CCDC91: variants seen among roughly 807,000 people sequenced by gnomAD.
CCDC91 encodes the protein coiled-coil domain-containing protein 91.
A neutral mutation model predicts 63.2 loss-of-function variants in CCDC91; 48 were observed. The ratio of observed to expected loss-of-function variants is 0.76; its 90% CI spans 0.60 to 0.97. The LOEUF is 0.97. Ranked by LOEUF, CCDC91 falls within the 50% of genes least tolerant of loss-of-function variation. The pLI, the probability that CCDC91 is intolerant of heterozygous loss-of-function variation, is 0.00. For missense variants in CCDC91, 500 were observed against 494.6 expected, an observed-to-expected ratio of 1.01 and a Z score of -0.10; for synonymous variants, 167 against 165.8, an observed-to-expected ratio of 1.01 and a Z score of -0.06.
At chr12:28,487,002 T>C (rs1951762114) in intron 12 of CCDC91, among the ~76,000 whole-genome samples, 1 of 152,004 alleles carries the variant, frequency 6.6e-6, no homozygotes, top group Admixed American at 6.6e-5. Flanking sequence ...CCACATTATT[T>C]ACAGAAAGTA....
At chr12:28,374,286 G>A (rs1944808727) in intron 7 of CCDC91, among the ~76,000 whole-genome samples, 1 of 152,062 alleles carries the variant, frequency 6.6e-6, no homozygotes, top group South Asian at 2.1e-4. Context: ...TATTCTCAGT[G>A]CATTGACAAA....
Position 28,305,743 on chromosome 12 carries a change from T to A in CCDC91, c.204T>A (p.Ile68=). 1 of 1,613,092 alleles carries A rather than the reference T, an allele frequency of 6.2e-7. No homozygotes were observed. The change falls in exon 4 of 13, where the codon ATT becomes ATA. Residue 68 remains isoleucine, a synonymous_variant. Transcript: ENST00000536442. ...SIGCLSSDAI[I]SSPENTHAAN... is the part of the protein sequence containing the mutation. ...GCTGCCTCTCTTCTGATGCCATTAT[T>A]TCATCACCAGAGAATACACATGCAG...
chr12:28,275,402 C>T (rs1420989844), intron 3 of CCDC91, among the ~76,000 whole-genome samples: 1 of 151,906 alleles, frequency 6.6e-6, no homozygotes, highest in Non-Finnish European at 1.5e-5. Context: ...ACACATACAC[C>T]CTCCCAAGAC....
At chr12:28,241,747 A>G (rs1027942174) in intron 1 of CCDC91, among the ~76,000 whole-genome samples, 3 of 152,130 alleles carry the variant, frequency 2.0e-5, no homozygotes, top group African/African-American at 4.8e-5. Flanking sequence ...CTGTAATCCC[A>G]GCACTTGGGA....
intron 7 of CCDC91, among the ~76,000 whole-genome samples, chr12:28,384,622 C>T (rs1357992593): frequency 6.6e-6 from 1 of 151,942 alleles, no homozygotes; most frequent in Non-Finnish European, 1.5e-5. Flanking sequence ...AATTGAGTGA[C>T]TGATAAAAAT....
At chr12:28,233,976 C>T (rs1944769392) in intron 1 of CCDC91, among the ~76,000 whole-genome samples, 1 of 152,046 alleles carries the variant, frequency 6.6e-6, no homozygotes, top group Admixed American at 6.6e-5. Context: ...AGTTCAGTGG[C>T]ATTAAGTAAA....
chr12:28,192,049 T>C lies in CCDC91; in HGVS notation c.-15+1408T>C, dbSNP rs532135180. On this transcript the variant is annotated intron_variant, in intron 1 of 12. Coordinates refer to ENST00000536442, the MANE Select transcript of CCDC91 (RefSeq NM_018318.5). Reference sequence around the variant, plus strand: ...TTAACTTTTATTAAATGGAAAAATGTAGCTTCTTATTGGAGTGATCCACTC... The same window carrying C: ...TTAACTTTTATTAAATGGAAAAATGCAGCTTCTTATTGGAGTGATCCACTC... Among the ~76,000 whole-genome samples, 112 of 152,362 alleles carry C rather than the reference T, an allele frequency of 7.4e-4. 1 individual carries two copies. Among genetic ancestry groups the C allele is most frequent in the Middle Eastern group, 6.8e-3 (2 of 294 alleles).
chr12:28,453,464 C>T (rs1020897704), intron 11 of CCDC91, among the ~76,000 whole-genome samples: 15 of 151,846 alleles, frequency 9.9e-5, no homozygotes, highest in African/African-American at 3.6e-4. Flanking sequence ...TTTTATGACT[C>T]ATTAATCTTA....
intron 12 of CCDC91, among the ~76,000 whole-genome samples, chr12:28,533,097 A>G (rs926718170): frequency 2.0e-5 from 3 of 152,154 alleles, no homozygotes; most frequent in African/African-American, 7.2e-5. Flanking sequence ...TTGATTAGTT[A>G]CGGTAGCCCC....
intron 1 of CCDC91, among the ~76,000 whole-genome samples, chr12:28,234,400 T>A (rs1944795505): frequency 6.6e-6 from 1 of 152,172 alleles, no homozygotes. Context: ...TTGACAGAAT[T>A]TTTTTAAAAA....
chr12:28,426,105 C>G (rs1225065041), intron 8 of CCDC91, among the ~76,000 whole-genome samples: 1 of 152,122 alleles, frequency 6.6e-6, no homozygotes, highest in Non-Finnish European at 1.5e-5. Context: ...TATCACTAGT[C>G]TCTTCTCTCA....
intron 3 of CCDC91, among the ~76,000 whole-genome samples, chr12:28,290,949 C>A (rs1949210512): frequency 6.6e-6 from 1 of 152,094 alleles, no homozygotes. Context: ...ACTCTTATGG[C>A]AGAACATTCT....
chr12:28,297,037 A>G (rs1949601900), intron 3 of CCDC91, among the ~76,000 whole-genome samples: 2 of 151,942 alleles, frequency 1.3e-5, no homozygotes, highest in Admixed American at 1.3e-4. Flanking sequence ...GATAAAAACA[A>G]GGACCTGCAT....
chr12:28,212,464 A>C (rs889342826), intron 1 of CCDC91, among the ~76,000 whole-genome samples: 6 of 152,188 alleles, frequency 3.9e-5, no homozygotes, highest in Non-Finnish European at 4.4e-5. Flanking sequence ...CAGTGTATGA[A>C]TCATTGAAAT....
At chr12:28,223,936 T>A (rs1201624162) in intron 1 of CCDC91, among the ~76,000 whole-genome samples, 2 of 152,154 alleles carry the variant, frequency 1.3e-5, no homozygotes, top group Admixed American at 1.3e-4. Flanking sequence ...CAGTGTTTCC[T>A]TGGTAGTTCT....
chr12:28,368,614 A>G (rs552119318), intron 7 of CCDC91, among the ~76,000 whole-genome samples: 2 of 152,228 alleles, frequency 1.3e-5, no homozygotes, highest in South Asian at 2.1e-4. Context: ...TTTTTACTTC[A>G]TGCATTTTTT....
intron 1 of CCDC91, chr12:28,226,336 C>T (rs767258451): frequency 1.3e-5 from 2 of 152,136 alleles, no homozygotes; most frequent in East Asian, 1.9e-4. Context: ...AGCTCCACCT[C>T]GTTTCTTTTC....
At chr12:28,332,337 G>A (rs1439909026) in intron 6 of CCDC91, among the ~76,000 whole-genome samples, 1 of 152,092 alleles carries the variant, frequency 6.6e-6, no homozygotes, top group Non-Finnish European at 1.5e-5. Flanking sequence ...TGACTTTCAT[G>A]CCTAGTTTTT....
intron 8 of CCDC91, among the ~76,000 whole-genome samples, chr12:28,409,666 T>G (rs1380165940): frequency 2.0e-5 from 3 of 152,118 alleles, no homozygotes; most frequent in African/African-American, 7.2e-5. Flanking sequence ...TCTTCTAAAA[T>G]GTAGATATTT....
Sources: allele counts gnomAD v4.1 joint callset (sites outside exome capture counted in the v4.1 genomes callset), GRCh38; gene constraint gnomAD v4.1.1; transcripts MANE v1.5; gene names NCBI Gene and HGNC (gene_info 2026-07-23, HGNC 2026-07-21).